Variants in ASB7 observed in about 807,000 individuals in gnomAD.
ASB7 encodes ankyrin repeat and SOCS box containing 7, also known as ankyrin repeat and SOCS box protein 7.
ASB7 carries 4 observed loss-of-function variants against 32.5 expected under a neutral mutation model. The observed-to-expected ratio is 0.12, with a 90% confidence interval of 0.06 to 0.28. The LOEUF is 0.28. Ranked by LOEUF, ASB7 falls within the 10% of genes least tolerant of loss-of-function variation. The pLI is 1.00. For synonymous variants in ASB7, 172 were observed against 155.6 expected (o/e 1.11, Z -0.78); for missense variants, 181 against 407.1 (o/e 0.44, Z 4.78).
chr15:100,610,019 T>A (rs2039681278), intron 3 of ASB7, among the ~76,000 whole-genome samples, 191 bp downstream of exon 3: 4 of 152,214 alleles, frequency 2.6e-5, no homozygotes. Flanking sequence ...CATAATCACT[T>A]AATTAAAAAG....
intron 4 of ASB7, among the ~76,000 whole-genome samples, chr15:100,613,917 C>T (rs1342824389): frequency 1.3e-5 from 2 of 152,130 alleles, no homozygotes; most frequent in Non-Finnish European, 1.5e-5. Flanking sequence ...ACTGGGTATA[C>T]GTTTGGTTTA....
intron 4 of ASB7, among the ~76,000 whole-genome samples, chr15:100,623,954 G>A (rs146727907): frequency 0.03 from 4,493 of 152,152 alleles, 114 homozygotes; most frequent in Middle Eastern, 0.12. Flanking sequence ...TGTCCATTGT[G>A]GTATATATAC....
At chr15:100,614,517 G>A (rs1452282974) in intron 4 of ASB7, among the ~76,000 whole-genome samples, 2 of 151,978 alleles carry the variant, frequency 1.3e-5, no homozygotes, top group Admixed American at 6.6e-5. Flanking sequence ...CTCTGCAGTC[G>A]GAGCCTGGAA....
chr15:100,639,489 A>G (rs1223977285), intron 5 of ASB7, among the ~76,000 whole-genome samples: 2 of 152,210 alleles, frequency 1.3e-5, no homozygotes, highest in Non-Finnish European at 2.9e-5. Context: ...GTTAAACCCC[A>G]TATAGCAATA....
chr15:100,646,499 ACT>A, intron 5 of ASB7: 3 of 465,718 alleles, frequency 6.4e-6, no homozygotes, highest in South Asian at 4.9e-5. Flanking sequence ...AGGAAATCAA[ACT>A]CCACATATTT....
intron 3 of ASB7, among the ~76,000 whole-genome samples, chr15:100,611,249 C>CAA: frequency 6.6e-6 from 1 of 152,134 alleles, no homozygotes; most frequent in South Asian, 2.1e-4. Flanking sequence ...GACAGGGTCT[C>CAA]ACTGTGTTGT....
In ASB7 at chr15:100,603,226, C is replaced by T. The variant is rs992219717; in HGVS notation, c.-261C>T. 7 of 378,640 alleles carry T rather than the reference C, an allele frequency of 1.8e-5. No homozygotes were observed. Among genetic ancestry groups the T allele is most frequent in the Admixed American group, 1.4e-4 (3 of 21,948 alleles). The allele number at this position is 378,640 out of a possible 1,614,324, so 23.5% of individuals were successfully genotyped here. On this transcript the variant is annotated 5_prime_UTR_variant, in exon 2 of 6. Transcript: ENST00000332783. ...TTCTGTTTTTCTAGGTTTGAGCTGGCTGAAGAAGACGCGAAAGCAGGAAGA... is the reference window on the plus strand; with the variant it reads ...TTCTGTTTTTCTAGGTTTGAGCTGGTTGAAGAAGACGCGAAAGCAGGAAGA...
intron 2 of ASB7, among the ~76,000 whole-genome samples, chr15:100,608,148 G>C (rs2039663533): frequency 6.6e-6 from 1 of 152,198 alleles, no homozygotes; most frequent in Non-Finnish European, 1.5e-5. Flanking sequence ...GTGAAAAGTG[G>C]TGGCATATTC....
At chr15:100,645,257 A>G (rs2039989641) in intron 5 of ASB7, among the ~76,000 whole-genome samples, 1 of 152,210 alleles carries the variant, frequency 6.6e-6, no homozygotes, top group Non-Finnish European at 1.5e-5. Flanking sequence ...TTGTATTATA[A>G]ATACAAAATA....
At chr15:100,625,490 TAATA>T (rs1169944595) in intron 4 of ASB7, among the ~76,000 whole-genome samples, 2 of 152,324 alleles carry the variant, frequency 1.3e-5, no homozygotes, top group African/African-American at 4.8e-5. Flanking sequence ...AAATATTTAA[TAATA>T]AATTTAACAA....
In ASB7 at chr15:100,605,334, T is replaced by C. The variant is rs138476529; in HGVS notation, c.-174+2021T>C. ...GGCAGTTAGCTTTGTATTAATTCTA[T>C]TGCCAATCATGTGGCTTAAAAAAAA... is the stretch of plus-strand genomic sequence containing the variant. On this transcript the variant is annotated intron_variant, in intron 2 of 5. Transcript: ENST00000332783. Among the ~76,000 whole-genome samples the C allele has an allele frequency of 1.5e-3, 227 of 152,330 alleles. 1 individual carries two copies. The highest frequency in any genetic ancestry group is 5.1e-3 in the African/African-American group (210 of 41,578).
intron 4 of ASB7, among the ~76,000 whole-genome samples, chr15:100,624,383 A>G (rs375767218): frequency 2.0e-5 from 3 of 152,372 alleles, no homozygotes; most frequent in East Asian, 1.9e-4. Flanking sequence ...TGATCGTTAC[A>G]CATTCTGTGC....
intron 5 of ASB7, among the ~76,000 whole-genome samples, chr15:100,632,602 C>T (rs917422403): frequency 6.6e-6 from 1 of 152,128 alleles, no homozygotes; most frequent in Non-Finnish European, 1.5e-5. Flanking sequence ...TTCTAGCCCG[C>T]GTGCTGTGGG....
chr15:100,639,323 G>A (rs2039945957), intron 5 of ASB7, among the ~76,000 whole-genome samples: 1 of 152,280 alleles, frequency 6.6e-6, no homozygotes, highest in Middle Eastern at 3.4e-3. Flanking sequence ...AAATATTTTT[G>A]TTTAAATTTC....
At chr15:100,615,160 C>T (rs2039731865) in intron 4 of ASB7, among the ~76,000 whole-genome samples, 1 of 152,136 alleles carries the variant, frequency 6.6e-6, no homozygotes, top group African/African-American at 2.4e-5. Flanking sequence ...TGTGTGAGTG[C>T]ATTTTATGGT....
At chr15:100,615,847 C>T (rs2039738711) in intron 4 of ASB7, among the ~76,000 whole-genome samples, 1 of 152,216 alleles carries the variant, frequency 6.6e-6, no homozygotes, top group African/African-American at 2.4e-5. Flanking sequence ...GTCTCAGATT[C>T]CATCGTATGG....
intron 4 of ASB7, among the ~76,000 whole-genome samples, chr15:100,615,502 C>G (rs1222229314): frequency 1.3e-5 from 2 of 152,142 alleles, no homozygotes; most frequent in African/African-American, 4.8e-5. Context: ...TTTGTTTATT[C>G]TCTTTTATTT....
In ASB7 at chr15:100,649,638, C is replaced by A. The variant is rs1016541646; in HGVS notation, c.*1176C>A. 1 of 152,146 alleles carries A rather than the reference C, an allele frequency of 6.6e-6. No individual in the cohort carries two copies. Among genetic ancestry groups the A allele is most frequent in the African/African-American group, 2.4e-5 (1 of 41,444 alleles). The allele number at this position is 152,146 out of a possible 1,614,324, so 9.4% of individuals were successfully genotyped here. Reference sequence around the variant, plus strand: ...TTTTAAGGTTATATACAGTGAGGCTCTTCAGGACAATTATTTTCTGGGTTG... The same window carrying A: ...TTTTAAGGTTATATACAGTGAGGCTATTCAGGACAATTATTTTCTGGGTTG... On this transcript the variant is annotated 3_prime_UTR_variant, in exon 6 of 6. Transcript: ENST00000332783.
intron 5 of ASB7, among the ~76,000 whole-genome samples, chr15:100,632,611 G>A (rs1224686889): frequency 1.3e-5 from 2 of 152,034 alleles, no homozygotes; most frequent in Non-Finnish European, 2.9e-5. Context: ...GCGTGCTGTG[G>A]GCACCGCAGC....
Sources: allele counts gnomAD v4.1 joint callset (sites outside exome capture counted in the v4.1 genomes callset), GRCh38; gene constraint gnomAD v4.1.1; transcripts MANE v1.5; gene names NCBI Gene and HGNC (gene_info 2026-07-23, HGNC 2026-07-21).